FANK1: variants seen among roughly 807,000 people sequenced by gnomAD.
The protein encoded by FANK1 is fibronectin type III and ankyrin repeat domains 1.
In FANK1, 44 loss-of-function variants were observed where a neutral mutation model predicts 45.3. The observed-to-expected ratio is 0.97, with a 90% CI of 0.76 to 1.25. FANK1 has a LOEUF of 1.25. FANK1 is among the 50% of genes most tolerant of loss of function. The pLI, the probability that FANK1 is intolerant of heterozygous loss-of-function variation, is 0.00. For missense variants in FANK1, 391 were observed against 424.4 expected, an observed-to-expected ratio of 0.92 and a Z score of 0.69; for synonymous variants, 149 against 152.5, an observed-to-expected ratio of 0.98 and a Z score of 0.17.
intron 1 of FANK1, among the ~76,000 whole-genome samples, chr10:125,948,331 G>GT (rs754778971): frequency 3.4e-4 from 51 of 152,124 alleles, no homozygotes; most frequent in Non-Finnish European, 5.0e-4. Flanking sequence ...CCAGGAGCTG[G>GT]TTTTTTTGAA....
At chr10:125,947,414 G>A (rs1948886263) in intron 1 of FANK1, among the ~76,000 whole-genome samples, 1 of 149,752 alleles carries the variant, frequency 6.7e-6, no homozygotes, top group African/African-American at 2.5e-5. Flanking sequence ...AAAGGATGGA[G>A]GAAGATCTAC....
intron 1 of FANK1, among the ~76,000 whole-genome samples, chr10:125,901,941 G>A (rs186001456): frequency 0.063 from 9,569 of 152,252 alleles, 428 homozygotes; most frequent in South Asian, 0.23. Flanking sequence ...GCCAACTGGC[G>A]AAACCCCGTC....
chr10:125,907,877 C>T (rs1589795135), intron 1 of FANK1, among the ~76,000 whole-genome samples: 1 of 152,136 alleles, frequency 6.6e-6, no homozygotes, highest in Admixed American at 6.5e-5. Flanking sequence ...GAGCTTGAAC[C>T]CAGCTCAGCT....
intron 1 of FANK1, among the ~76,000 whole-genome samples, chr10:125,964,010 G>A (rs1208780649): frequency 2.0e-5 from 3 of 151,988 alleles, no homozygotes; most frequent in African/African-American, 7.2e-5. Flanking sequence ...GCAGTACTTT[G>A]TTCTTTTATT....
intron 1 of FANK1, among the ~76,000 whole-genome samples, chr10:125,919,363 A>C (rs949419391): frequency 2.2e-4 from 33 of 150,602 alleles, no homozygotes; most frequent in African/African-American, 6.1e-4. Flanking sequence ...ACACCACCAC[A>C]CCCGGCTGAT....
intron 6 of FANK1, 85 bp from the exon 7 acceptor site, chr10:126,004,799 T>C: frequency 1.4e-6 from 2 of 1,405,272 alleles, no homozygotes; most frequent in Non-Finnish European, 2.0e-6. Context: ...TAGGATTTCT[T>C]GGTTTAAGCC....
intron 1 of FANK1, among the ~76,000 whole-genome samples, chr10:125,953,504 A>AT (rs1949384732): frequency 6.6e-6 from 1 of 152,138 alleles, no homozygotes; most frequent in Non-Finnish European, 1.5e-5. Context: ...CGAGGATCCT[A>AT]TAGGTGAACT....
At position 125,983,823 on chromosome 10, in the gene FANK1, A is replaced by G. The variant is rs933097380; in HGVS notation, c.191+3485A>G. 1.3e-5 allele frequency among the ~76,000 whole-genome samples: 2 copies of G among 152,004 alleles called. No individual in the cohort carries two copies. The highest frequency in any genetic ancestry group is 4.8e-5 in the African/African-American group (2 of 41,372). ...GCGGGGAAAGCCACTGGAGATTGTG[A>G]AGCTGAGAAGAGGTGTGATCCGGCT... On this transcript the variant is annotated intron_variant, in intron 2 of 10. Coordinates refer to ENST00000368693, the MANE Select transcript of FANK1 (RefSeq NM_145235.5). This position sits in a 1 kb window ranked among gnomAD's most constrained non-coding sequence, Gnocchi z 4.3.
At chr10:125,988,361 C>A (rs1951702525) in intron 2 of FANK1, among the ~76,000 whole-genome samples, 190 bp from the exon 3 acceptor site, 1 of 152,148 alleles carries the variant, frequency 6.6e-6, no homozygotes, top group Non-Finnish European at 1.5e-5. Context: ...ACAGAGTGCA[C>A]CTGCTGGATA....
intron 2 of FANK1, chr10:125,980,852 GT>G (rs1951160985): frequency 6.5e-6 from 1 of 153,266 alleles, no homozygotes; most frequent in Non-Finnish European, 1.5e-5. Flanking sequence ...TATACAGCTG[GT>G]TCCTTCACAC....
rs1239001930 is a variant in FANK1, at chr10:125,983,907, G to A, written c.191+3569G>A. ...TGGGAACAGGCTGTAGGGAGGCCAGGCAGCAAGCAGCAGGGAGGACTGATG... is the reference window on the plus strand; with the variant it reads ...TGGGAACAGGCTGTAGGGAGGCCAGACAGCAAGCAGCAGGGAGGACTGATG... On this transcript the variant is annotated intron_variant, in intron 2 of 10. Coordinates refer to ENST00000368693, the MANE Select transcript of FANK1 (RefSeq NM_145235.5). This position sits in a 1 kb window ranked among gnomAD's most constrained non-coding sequence, Gnocchi z 4.3. Among the ~76,000 whole-genome samples, 2 of 152,210 alleles carry A rather than the reference G, an allele frequency of 1.3e-5. No individual in the cohort carries two copies. The highest frequency in any genetic ancestry group is 4.8e-5 in the African/African-American group (2 of 41,442).
intron 1 of FANK1, among the ~76,000 whole-genome samples, chr10:125,918,086 GAAAAA>G (rs373767283): frequency 7.1e-6 from 1 of 140,922 alleles, no homozygotes; most frequent in Non-Finnish European, 1.6e-5. Flanking sequence ...TCAGAAAAAA[GAAAAA>G]AAAAGGGTAG....
intron 1 of FANK1, among the ~76,000 whole-genome samples, chr10:125,919,247 G>T (rs150346882): frequency 3.0e-5 from 3 of 100,468 alleles, no homozygotes; most frequent in Non-Finnish European, 5.5e-5. Context: ...GCTCTGTCCC[G>T]CAGGCTGGAG....
intron 1 of FANK1, among the ~76,000 whole-genome samples, chr10:125,955,033 T>G (rs1949491775): frequency 6.6e-6 from 1 of 152,132 alleles, no homozygotes; most frequent in East Asian, 1.9e-4. Context: ...AGCAATCGCT[T>G]TAGCATTTTG....
At chr10:125,962,753 GTTTA>G (rs1442942837) in intron 1 of FANK1, among the ~76,000 whole-genome samples, 3 of 151,900 alleles carry the variant, frequency 2.0e-5, no homozygotes, top group African/African-American at 4.8e-5. Context: ...TCATTTCTGG[GTTTA>G]TTTCTCTTGA....
rs1271774629 is a variant in FANK1 at position 126,004,926 on chromosome 10, A to G, written c.582A>G (p.Lys194=). 45 of 1,614,052 alleles carry G rather than the reference A, an allele frequency of 2.8e-5. No homozygotes were observed. The highest frequency in any genetic ancestry group is 3.6e-5 in the Non-Finnish European group (42 of 1,180,034). ...ACYAGHLDVV[K]YLRRHGASWQ... is the part of the protein sequence containing the mutation. Reference sequence around the variant, plus strand: ...ATGCGGGACACCTAGATGTTGTGAAATATCTCCGAAGACATGGCGCTTCTT... The same window carrying G: ...ATGCGGGACACCTAGATGTTGTGAAGTATCTCCGAAGACATGGCGCTTCTT... The change falls in exon 7 of 11, where the codon AAA becomes AAG. Residue 194 remains lysine, a synonymous_variant. Coordinates refer to ENST00000368693, the MANE Select transcript of FANK1 (RefSeq NM_145235.5).
intron 1 of FANK1, among the ~76,000 whole-genome samples, chr10:125,904,095 T>C (rs1945280169): frequency 6.6e-6 from 1 of 152,076 alleles, no homozygotes; most frequent in South Asian, 2.1e-4. Flanking sequence ...TCCTAGTTTT[T>C]CTTCTGTATT....
At chr10:125,966,311 C>G (rs1197022224) in intron 1 of FANK1, among the ~76,000 whole-genome samples, 1 of 152,136 alleles carries the variant, frequency 6.6e-6, no homozygotes, top group Non-Finnish European at 1.5e-5. Flanking sequence ...TATTCTTTGC[C>G]TGCAGGCTCT....
At chr10:125,917,454 A>C (rs1217397736) in intron 1 of FANK1, among the ~76,000 whole-genome samples, 2 of 152,252 alleles carry the variant, frequency 1.3e-5, no homozygotes, top group South Asian at 2.1e-4. Flanking sequence ...TAAATCTATA[A>C]ATTTGTTGTA....
Sources: allele counts gnomAD v4.1 joint callset (sites outside exome capture counted in the v4.1 genomes callset), GRCh38; gene constraint gnomAD v4.1.1; non-coding constraint Gnocchi (gnomAD v3.1); transcripts MANE v1.5; gene names NCBI Gene and HGNC (gene_info 2026-07-23, HGNC 2026-07-21).